Variants in THAP3 observed in about 807,000 individuals in gnomAD.
THAP3 encodes THAP domain containing 3.
Under a neutral mutation model 17.7 loss-of-function variants are expected in THAP3, and 12 were observed. The ratio of observed to expected loss-of-function variants is 0.68; its 90% CI spans 0.43 to 1.10. The LOEUF (loss-of-function observed/expected upper bound fraction) is 1.10, where lower values mean the gene tolerates loss of function less well. THAP3 is among the 50% of genes least tolerant of loss of function. The pLI is 0.00. For synonymous variants in THAP3, 133 were observed against 126.9 expected, an observed-to-expected ratio of 1.05 and a Z score of -0.32; for missense variants, 289 against 318.0, an observed-to-expected ratio of 0.91 and a Z score of 0.69.
At position 6,633,513 on chromosome 1, in the gene THAP3, C is replaced by T; in HGVS notation, c.*436C>T. On this transcript the variant is annotated 3_prime_UTR_variant, in exon 6 of 6. Coordinates refer to ENST00000054650, the MANE Select transcript of THAP3 (RefSeq NM_001195753.2). ...CCGCTCGGGGTTCTAAGGAGTGACTCCTGTCCCGGCCTGGTGTGAGTGGGC... is the reference window on the plus strand; with the variant it reads ...CCGCTCGGGGTTCTAAGGAGTGACTTCTGTCCCGGCCTGGTGTGAGTGGGC... 1.8e-6 allele frequency: 2 copies of T among 1,104,810 alleles called. No individual in the cohort carries two copies. Among genetic ancestry groups the T allele is most frequent in the African/African-American group, 1.6e-5 (1 of 61,666 alleles). 68.4% of individuals were successfully genotyped at this position (1,104,810 alleles called of 1,614,324 possible). A position where few individuals can be genotyped will look rare whatever the true frequency, so the allele number is the denominator to read the frequency against.
chr1:6,632,638 T>G, intron 5 of THAP3, 143 bp downstream of exon 5: 1 of 1,439,160 alleles, frequency 6.9e-7, no homozygotes, highest in South Asian at 1.3e-5. Context: ...CCCAGTCAAA[T>G]TCTCCACCAT....
rs1641678966 is a variant in THAP3 at position 6,633,257 on chromosome 1, G to A, written c.*180G>A. 2 of 1,438,340 alleles carry A rather than the reference G, an allele frequency of 1.4e-6. No homozygotes were observed. Among genetic ancestry groups the A allele is most frequent in the South Asian group, 3.0e-5 (2 of 66,370 alleles). 89.1% of individuals were successfully genotyped at this position (1,438,340 alleles called of 1,614,324 possible). A position where few individuals can be genotyped will look rare whatever the true frequency, so the allele number is the denominator to read the frequency against. On this transcript the variant is annotated 3_prime_UTR_variant, in exon 6 of 6. Coordinates refer to ENST00000054650, the MANE Select transcript of THAP3 (RefSeq NM_001195753.2). The stretch of plus-strand genomic sequence containing the variant: ...GCGAGAGCCCCAATGCCGTCTGGGG[G>A]ACGTTTAGAGGCGTGGCACTAGGAG...
rs1211016063 is a variant in THAP3 at position 6,630,328 on chromosome 1, A to G, written c.308A>G (p.Asn103Ser). The change falls in exon 4 of 6, where the codon AAT (asparagine) becomes AGT (serine). Residue 103 changes from asparagine (N) to serine (S), a missense_variant. By Grantham distance (46) the Asn-to-Ser change is conservative. Transcript: ENST00000054650. ...ACAGACCCTGCCAGTGAGAGAGGAA[A>G]TGCCAGCTCTTCTCAGAAAGAAAAG... ...ENTDPASERG[N>S]ASSSQKEKVL... The G allele has an allele frequency of 6.2e-7, 1 of 1,614,152 alleles. No homozygotes were observed. The highest frequency in any genetic ancestry group is 8.5e-7 in the Non-Finnish European group (1 of 1,180,020).
At chr1:6,634,777 A>G, downstream of THAP3, 2 of 1,322,394 alleles carry the variant, frequency 1.5e-6, no homozygotes, top group Non-Finnish European at 2.0e-6. Context: ...GGGGAGCTGC[A>G]GTGCCACCTG....
Position 6,628,628 on chromosome 1 carries a change from A to T in THAP3, c.204A>T (p.Gly68=). 3.1e-6 allele frequency: 5 copies of T among 1,613,834 alleles called. No individual in the cohort carries two copies. The highest frequency in any genetic ancestry group is 4.2e-6 in the Non-Finnish European group (5 of 1,180,022). The change falls in exon 3 of 6, where the codon GGA becomes GGT. Residue 68 remains glycine (G), a synonymous_variant. Transcript: ENST00000054650. ...GGCCAGAGTGCTTCAGCGCCTTTGGAAACCGCAAGAACCTAAAGCACAATG... is the reference window on the plus strand; with the variant it reads ...GGCCAGAGTGCTTCAGCGCCTTTGGTAACCGCAAGAACCTAAAGCACAATG... ...HFRPECFSAF[G]NRKNLKHNAV...
downstream of THAP3, chr1:6,634,002 G>T (rs1487569547): frequency 1.9e-6 from 3 of 1,610,436 alleles, no homozygotes; most frequent in South Asian, 2.2e-5. Context: ...CCTAACTTGG[G>T]GTCTATTTAT....
At chr1:6,626,404 C>G (rs1641471166) in intron 2 of THAP3, among the ~76,000 whole-genome samples, 1 of 152,160 alleles carries the variant, frequency 6.6e-6, no homozygotes, top group Non-Finnish European at 1.5e-5. Context: ...GGAACCCTAT[C>G]CTGCCCGCTA....
Position 6,624,984 on chromosome 1 carries a change from G to C in THAP3, c.-70+30G>C, listed in dbSNP as rs1026241835. 7.4e-5 allele frequency: 40 copies of C among 543,568 alleles called. No homozygotes were observed. The South Asian group carries it at 7.8e-4, about 11-fold the overall frequency. 33.7% of individuals were successfully genotyped at this position (543,568 alleles called of 1,614,324 possible). The stretch of plus-strand genomic sequence containing the variant: ...GACTTGCACAGGCCCAAGGCTAGGA[G>C]TTGGGGTTTCGGGCCTGAATTGGGG... On this transcript the variant is annotated intron_variant, in intron 1 of 5. Transcript: ENST00000054650.
Position 6,625,166 on chromosome 1 carries a change from C to T in THAP3, c.-53C>T. 1 of 1,519,892 alleles carries T rather than the reference C, an allele frequency of 6.6e-7. No individual in the cohort carries two copies. The highest frequency in any genetic ancestry group is 8.8e-7 in the Non-Finnish European group (1 of 1,136,692). 94.2% of individuals were successfully genotyped at this position (1,519,892 alleles called of 1,614,324 possible). Reference sequence around the variant, plus strand: ...TCCCCGCAGGTCCCTCCCCTCTCCGCAGGCCCCGCCGCCGCCGCCATCTTT... The same window carrying T: ...TCCCCGCAGGTCCCTCCCCTCTCCGTAGGCCCCGCCGCCGCCGCCATCTTT... On this transcript the variant is annotated 5_prime_UTR_variant, in exon 2 of 6. The change creates a premature stop within an existing upstream ORF in the 5' untranslated region. Transcript: ENST00000054650.
At chr1:6,625,470 G>A (rs1262073077) in intron 2 of THAP3, among the ~76,000 whole-genome samples, 178 bp downstream of exon 2, 1 of 151,760 alleles carries the variant, frequency 6.6e-6, no homozygotes, top group Non-Finnish European at 1.5e-5. Context: ...GGGATGCGGG[G>A]AGTGGCGGAC....
downstream of THAP3, chr1:6,634,003 G>A (rs749525371): frequency 9.9e-6 from 16 of 1,610,836 alleles, no homozygotes; most frequent in Middle Eastern, 4.9e-4. Flanking sequence ...CTAACTTGGG[G>A]TCTATTTATT....
chr1:6,633,609 A>C, downstream of THAP3: 1 of 1,078,808 alleles, frequency 9.3e-7, no homozygotes. Flanking sequence ...GATTCCTTCT[A>C]AGAAGACTGA....
At chr1:6,634,768 G>T (rs1053542752), downstream of THAP3, 1 of 1,328,594 alleles carries the variant, frequency 7.5e-7, no homozygotes, top group East Asian at 5.0e-5. Context: ...TGCAGGAGCG[G>T]GGAGCTGCAG....
intron 4 of THAP3, among the ~76,000 whole-genome samples, chr1:6,631,869 AGAGT>A (rs2148720669): frequency 6.6e-6 from 1 of 151,850 alleles, no homozygotes; most frequent in African/African-American, 2.4e-5. Context: ...CCTGGGTGAA[AGAGT>A]GAAACTCCAT....
At chr1:6,627,481 C>T (rs1641497270) in intron 2 of THAP3, among the ~76,000 whole-genome samples, 1 of 152,238 alleles carries the variant, frequency 6.6e-6, no homozygotes, top group African/African-American at 2.4e-5. Context: ...TCTTGTGCCT[C>T]AGCCTCCCAA....
Position 6,628,686 on chromosome 1 carries a change from A to AC in THAP3, c.263dup (p.Gln89ThrfsTer12), listed in dbSNP as rs1424958869. 9 of 1,612,344 alleles carry AC rather than the reference A, an allele frequency of 5.6e-6. No individual in the cohort carries two copies. Among genetic ancestry groups the AC allele is most frequent in the Non-Finnish European group, 8.5e-7 (1 of 1,179,524 alleles). ...CACGGTGTTCGCCTTTCAGGACCCC[A>AC]CACAGGTAGGAGGGCACTGCACCTT... On this transcript the variant is annotated frameshift_variant, in exon 3 of 6. Coordinates refer to ENST00000054650, the MANE Select transcript of THAP3 (RefSeq NM_001195753.2). LOFTEE classifies it high-confidence loss of function.
intron 2 of THAP3, among the ~76,000 whole-genome samples, chr1:6,626,114 C>T (rs749449460): frequency 2.0e-4 from 31 of 151,836 alleles, no homozygotes; most frequent in Admixed American, 3.3e-4. Flanking sequence ...TCGAGACCTG[C>T]CTGGGCAACA....
downstream of THAP3, chr1:6,635,442 A>G: frequency 5.8e-6 from 3 of 513,126 alleles, no homozygotes; most frequent in Middle Eastern, 5.2e-4. Context: ...TTGGGAAAAC[A>G]GCCATGGGCC....
At chr1:6,628,371 T>A (rs1249636368) in intron 2 of THAP3, 128 bp from the exon 3 acceptor site, 1 of 738,644 alleles carries the variant, frequency 1.4e-6, no homozygotes, top group Non-Finnish European at 2.1e-6. Context: ...TGTGATTTAA[T>A]AAACCGAGAG....
Sources: allele counts gnomAD v4.1 joint callset (sites outside exome capture counted in the v4.1 genomes callset), GRCh38; gene constraint gnomAD v4.1.1; transcripts MANE v1.5; gene names NCBI Gene and HGNC (gene_info 2026-07-23, HGNC 2026-07-21).